Variants in ARHGAP21 observed in about 807,000 individuals in gnomAD.
ARHGAP21 encodes the protein Rho GTPase activating protein 21, also known as rho GTPase-activating protein 21.
Under a neutral mutation model 164.6 loss-of-function variants are expected in ARHGAP21, and 38 were observed. That is an observed-to-expected ratio of 0.23 (90% CI 0.18 to 0.30). ARHGAP21 has a LOEUF of 0.30. Ranked by LOEUF, ARHGAP21 falls within the 10% of genes least tolerant of loss-of-function variation. ARHGAP21 has a pLI of 1.00. For missense variants in ARHGAP21, 1,822 were observed against 2,370.7 expected, an observed-to-expected ratio of 0.77 and a Z score of 4.81; for synonymous variants, 766 against 857.9, an observed-to-expected ratio of 0.89 and a Z score of 1.87.
chr10:24,702,655 C>T (rs534477700), intron 2 of ARHGAP21, among the ~76,000 whole-genome samples: 1 of 152,024 alleles, frequency 6.6e-6, no homozygotes, highest in East Asian at 1.9e-4. Flanking sequence ...GGCAGAATCT[C>T]GGTTCACTGC....
At chr10:24,611,177 C>T (rs112299061) in intron 9 of ARHGAP21, among the ~76,000 whole-genome samples, 7,130 of 152,240 alleles carry the variant, frequency 0.047, 249 homozygotes, top group Non-Finnish European at 0.071. Flanking sequence ...TAGGGCCTAT[C>T]CCTCTCAATC....
At chr10:24,590,493 G>A (rs1394140814) in intron 24 of ARHGAP21, 4 of 1,534,652 alleles carry the variant, frequency 2.6e-6, no homozygotes, top group East Asian at 2.4e-5. Flanking sequence ...TTCAACATCA[G>A]TATAGATTTG....
At position 24,711,269 on chromosome 10, in the gene ARHGAP21, T is replaced by C. The variant is rs112991736; in HGVS notation, c.63+10568A>G. Among the ~76,000 whole-genome samples the C allele has an allele frequency of 6.3e-3, 962 of 151,830 alleles. 11 individuals carry two copies. The highest frequency in any genetic ancestry group is 0.024 in the Middle Eastern group (7 of 294). ...GATACTATTCCATCCTCTAAGATGCTGAAAAATTCTGGGAGAAGGAAAAGA... is the reference window on the plus strand; with the variant it reads ...GATACTATTCCATCCTCTAAGATGCCGAAAAATTCTGGGAGAAGGAAAAGA... On this transcript the variant is annotated intron_variant, in intron 2 of 25. Coordinates refer to ENST00000396432, the MANE Select transcript of ARHGAP21 (RefSeq NM_020824.4).
At position 24,585,319 on chromosome 10, in the gene ARHGAP21, T is replaced by C. The variant is rs747471541; in HGVS notation, c.4970A>G (p.Lys1657Arg). 32 of 1,612,364 alleles carry C rather than the reference T, an allele frequency of 2.0e-5. No individual in the cohort carries two copies. In the South Asian group the frequency reaches 3.4e-4, roughly 17 times the overall value. The stretch of plus-strand genomic sequence containing the variant: ...GCTGCTCTTAGTCACTTCTTGCAGT[T>C]TTCCTCGGAAAAGCCTCTCTGAAGT... ...ALTSERLFRGKLQEVTKSSRR... is the reference protein window; with the variant it reads ...ALTSERLFRGRLQEVTKSSRR... Residue 1657 changes from lysine to arginine, a missense_variant, in exon 26 of 26, where the codon AAA becomes AGA. Physicochemically the swap from Lys to Arg is conservative, Grantham distance 26. Around this residue, in one of 5 missense-constraint regions of ARHGAP21, gnomAD observed 333 missense variants for 383.9 expected, o/e 0.87. Coordinates refer to ENST00000396432, the MANE Select transcript of ARHGAP21 (RefSeq NM_020824.4).
At position 24,620,576 on chromosome 10, in the gene ARHGAP21, C is replaced by T; in HGVS notation, c.1319G>A (p.Arg440Gln). 2 of 1,614,170 alleles carry T rather than the reference C, an allele frequency of 1.2e-6. No homozygotes were observed. Among genetic ancestry groups the T allele is most frequent in the African/African-American group, 1.3e-5 (1 of 75,058 alleles). The change falls in exon 9 of 26, where the codon CGA (arginine) becomes CAA (glutamine). Residue 440 changes from arginine (R) to glutamine (Q), a missense_variant. Transcript: ENST00000396432. Reference sequence around the variant, plus strand: ...GGGCACTCGATCATGAGAGGTGCTTCGACGTCGTCCCTGCAAAGTAGTGCG... The same window carrying T: ...GGGCACTCGATCATGAGAGGTGCTTTGACGTCGTCCCTGCAAAGTAGTGCG... ...PNRTTLQGRR[R>Q]STSHDRVPQS...
intron 2 of ARHGAP21, among the ~76,000 whole-genome samples, chr10:24,674,827 T>A (rs187564705): frequency 3.9e-5 from 6 of 152,324 alleles, no homozygotes; most frequent in Admixed American, 3.3e-4. Flanking sequence ...AAAGGACTTG[T>A]ATCTAGAATA....
intron 24 of ARHGAP21, chr10:24,590,116 G>T: frequency 3.4e-6 from 4 of 1,190,960 alleles, no homozygotes; most frequent in Non-Finnish European, 4.3e-6. Context: ...AGGGAAATTG[G>T]TTTTCAGAAT....
intron 2 of ARHGAP21, among the ~76,000 whole-genome samples, chr10:24,719,667 T>C (rs1845740563): frequency 6.6e-6 from 1 of 152,250 alleles, no homozygotes; most frequent in Non-Finnish European, 1.5e-5. Flanking sequence ...ATAGTACCAC[T>C]GTGGAATGTA....
intron 24 of ARHGAP21, chr10:24,590,005 A>T: frequency 4.4e-6 from 1 of 229,172 alleles, no homozygotes; most frequent in Non-Finnish European, 7.5e-6. Context: ...CCATAATTTT[A>T]CTGTCTGGCA....
At chr10:24,673,902 A>C (rs1414830051) in intron 2 of ARHGAP21, among the ~76,000 whole-genome samples, 1 of 152,138 alleles carries the variant, frequency 6.6e-6, no homozygotes, top group Non-Finnish European at 1.5e-5. Flanking sequence ...CCTAAATGTA[A>C]CACTTAAAAC....
chr10:24,709,295 G>A (rs1200015537), intron 2 of ARHGAP21, among the ~76,000 whole-genome samples: 4 of 152,058 alleles, frequency 2.6e-5, no homozygotes, highest in Non-Finnish European at 1.5e-5. Context: ...AGAAAGCTCA[G>A]GACTAGATGG....
chr10:24,590,327 A>G (rs1426814553), intron 24 of ARHGAP21: 13 of 1,535,158 alleles, frequency 8.5e-6, no homozygotes, highest in Non-Finnish European at 3.5e-6. Context: ...CAGATCAACT[A>G]TGTTTGCATT....
At chr10:24,691,345 C>T (rs1314390602) in intron 2 of ARHGAP21, among the ~76,000 whole-genome samples, 1 of 152,170 alleles carries the variant, frequency 6.6e-6, no homozygotes, top group Non-Finnish European at 1.5e-5. Context: ...AGGGCTTAGA[C>T]ATGGAGCAAT....
intron 2 of ARHGAP21, among the ~76,000 whole-genome samples, chr10:24,692,719 C>T (rs963549321): frequency 3.9e-5 from 6 of 152,096 alleles, no homozygotes; most frequent in Admixed American, 6.5e-5. Flanking sequence ...ATAATCCCAG[C>T]TACTCAGGAG....
chr10:24,619,852 T>C lies in ARHGAP21; in HGVS notation c.2043A>G (p.Lys681=), dbSNP rs1834368657. The C allele has an allele frequency of 1.9e-6, 3 of 1,614,220 alleles. No homozygotes were observed. The highest frequency in any genetic ancestry group is 2.2e-5 in the East Asian group (1 of 44,890). Residue 681 remains lysine (K), a synonymous_variant, in exon 9 of 26, where the codon AAA becomes AAG. Transcript: ENST00000396432. ...SAPDQQVETG[K]SPSLSGASAK... Reference sequence around the variant, plus strand: ...CAGAGGCTCCAGATAAAGAGGGGGATTTCCCAGTCTCCACTTGCTGATCGG... The same window carrying C: ...CAGAGGCTCCAGATAAAGAGGGGGACTTCCCAGTCTCCACTTGCTGATCGG...
chr10:24,589,234 C>T (rs1250348821), intron 25 of ARHGAP21, 37 bp downstream of exon 25: 11 of 1,561,856 alleles, frequency 7.0e-6, no homozygotes, highest in Non-Finnish European at 9.7e-6. Flanking sequence ...AAAACAATTC[C>T]CCCCTAAAAT....
chr10:24,709,772 C>T (rs1844592227), intron 2 of ARHGAP21, among the ~76,000 whole-genome samples: 1 of 132,852 alleles, frequency 7.5e-6, no homozygotes, highest in African/African-American at 3.1e-5. Context: ...GACAAGGACA[C>T]AACAACAACA....
At chr10:24,706,599 T>G (rs1844248560) in intron 2 of ARHGAP21, 1 of 152,646 alleles carries the variant, frequency 6.6e-6, no homozygotes, top group Non-Finnish European at 1.5e-5. Flanking sequence ...GGGCCATGAC[T>G]GCCTATAGCA....
intron 9 of ARHGAP21, among the ~76,000 whole-genome samples, chr10:24,615,330 A>T (rs1332517202): frequency 6.6e-6 from 1 of 152,216 alleles, no homozygotes; most frequent in African/African-American, 2.4e-5. Flanking sequence ...TAAGGCTATG[A>T]CCATCAAATT....
Sources: allele counts gnomAD v4.1 joint callset (sites outside exome capture counted in the v4.1 genomes callset), GRCh38; gene constraint gnomAD v4.1.1; regional missense constraint gnomAD v4.1.1; transcripts MANE v1.5; gene names NCBI Gene and HGNC (gene_info 2026-07-23, HGNC 2026-07-21).